The following RBM27 variants were observed in gnomAD, a reference collection of about 807,000 sequenced individuals.
RBM27 encodes RNA binding motif protein 27.
Under a neutral mutation model 135.3 loss-of-function variants are expected in RBM27, and 22 were observed. That is an observed-to-expected ratio of 0.16 (90% confidence interval 0.12 to 0.23). The LOEUF is 0.23. Among genes scored for constraint, RBM27 ranks in the 10% least tolerant of loss-of-function variants. The pLI is 1.00. For missense variants in RBM27, 1,009 were observed against 1,281.0 expected, an observed-to-expected ratio of 0.79 and a Z score of 3.24; for synonymous variants, 481 against 442.4, an observed-to-expected ratio of 1.09 and a Z score of -1.10.
At chr5:146,270,010 G>A (rs749117330) in intron 17 of RBM27, among the ~76,000 whole-genome samples, 11 of 152,098 alleles carry the variant, frequency 7.2e-5, no homozygotes, top group Admixed American at 3.3e-4. Flanking sequence ...CACTATTAAA[G>A]TGATGGTGGT....
intron 19 of RBM27, among the ~76,000 whole-genome samples, chr5:146,273,113 G>A (rs886992648): frequency 1.3e-5 from 2 of 152,196 alleles, no homozygotes; most frequent in African/African-American, 4.8e-5. Flanking sequence ...TGTAGAACCA[G>A]TACCAGTTCT....
chr5:146,260,783 G>A lies in RBM27; in HGVS notation c.1778G>A (p.Arg593Gln), dbSNP rs955261200. 3.7e-6 allele frequency: 6 copies of A among 1,610,416 alleles called. No individual in the cohort carries two copies. Among genetic ancestry groups the A allele is most frequent in the Middle Eastern group, 1.7e-4 (1 of 6,036 alleles). The change falls in exon 12 of 21, where the codon CGA becomes CAA. Residue 593 changes from arginine (R) to glutamine (Q), a missense_variant. Coordinates refer to ENST00000265271, the MANE Select transcript of RBM27 (RefSeq NM_018989.2). Reference protein sequence around the residue: ...NNNQNKPGFLRKNQYTNTKLE... With the variant: ...NNNQNKPGFLQKNQYTNTKLE... Reference sequence around the variant, plus strand: ...AATCAAAATAAACCAGGGTTCTTACGAAAGAATCAGTATACAAACACCAAA... The same window carrying A: ...AATCAAAATAAACCAGGGTTCTTACAAAAGAATCAGTATACAAACACCAAA...
chr5:146,218,498 G>A (rs562782892), intron 1 of RBM27, among the ~76,000 whole-genome samples: 1 of 152,280 alleles, frequency 6.6e-6, no homozygotes, highest in South Asian at 2.1e-4. Flanking sequence ...GATACTCGCT[G>A]AGATTAGCAA....
At chr5:146,248,062 A>T (rs1026352739) in intron 8 of RBM27, among the ~76,000 whole-genome samples, 1 of 152,052 alleles carries the variant, frequency 6.6e-6, no homozygotes, top group African/African-American at 2.4e-5. Flanking sequence ...AATTTTAAGA[A>T]TGAGTTGATT....
chr5:146,256,100 C>T (rs1187425894), intron 10 of RBM27, among the ~76,000 whole-genome samples: 1 of 151,070 alleles, frequency 6.6e-6, no homozygotes, highest in Non-Finnish European at 1.5e-5. Flanking sequence ...AGGTTATCCA[C>T]CTACCTTGGC....
At position 146,269,489 on chromosome 5, in the gene RBM27, T is replaced by C; in HGVS notation, c.2596T>C (p.Leu866=). ...PEERANIMKT[L]KELGEKISQL... is the part of the protein sequence containing the mutation. ...AGAAAGAGCAAATATAATGAAGACT[T>C]TGAAAGAGCTTGGAGAGAAGATCTC... The change falls in exon 17 of 21, where the codon TTG becomes CTG. Residue 866 remains leucine (L), a synonymous_variant. Coordinates refer to ENST00000265271, the MANE Select transcript of RBM27 (RefSeq NM_018989.2). 1 of 1,584,814 alleles carries C rather than the reference T, an allele frequency of 6.3e-7. No homozygotes were observed. The highest frequency in any genetic ancestry group is 1.2e-5 in the South Asian group (1 of 85,528).
intron 1 of RBM27, among the ~76,000 whole-genome samples, chr5:146,204,038 G>A (rs1581120989): frequency 6.6e-6 from 1 of 152,138 alleles, no homozygotes; most frequent in Non-Finnish European, 1.5e-5. Flanking sequence ...ATGGGGACTG[G>A]GGGGGCAGGC....
intron 1 of RBM27, among the ~76,000 whole-genome samples, chr5:146,211,728 C>T (rs752322661): frequency 6.6e-6 from 1 of 151,704 alleles, no homozygotes; most frequent in Admixed American, 6.6e-5. Context: ...TAATCCGCCC[C>T]TGGGATTACA....
chr5:146,262,459 G>T (rs1475861421), intron 13 of RBM27, among the ~76,000 whole-genome samples: 3 of 152,110 alleles, frequency 2.0e-5, no homozygotes, highest in Admixed American at 2.0e-4. Context: ...GGTACATATT[G>T]CTCAAAGCAT....
At chr5:146,217,462 C>CTTTTT in intron 1 of RBM27, among the ~76,000 whole-genome samples, 2 of 125,132 alleles carry the variant, frequency 1.6e-5, no homozygotes, top group African/African-American at 3.2e-5. Context: ...GAGCTGAAGC[C>CTTTTT]TGTTTTTTTT....
At chr5:146,220,279 C>G (rs908645588) in intron 2 of RBM27, among the ~76,000 whole-genome samples, 10 of 151,970 alleles carry the variant, frequency 6.6e-5, no homozygotes, top group African/African-American at 2.4e-4. Flanking sequence ...AGATCGAGAC[C>G]ATCCTGGCCA....
At position 146,229,754 on chromosome 5, in the gene RBM27, GACTATGACCGGT is replaced by G. The variant is rs544601442; in HGVS notation, c.441_452del (p.Asp147_Tyr150del). ...AAAAAGAGAAGACGGGAAATGGAGA[GACTATGACCGGT>G]ACTATGAGCGGAATGAATTGTACCG... On this transcript the variant is annotated inframe_deletion, in exon 5 of 21. Coordinates refer to ENST00000265271, the MANE Select transcript of RBM27 (RefSeq NM_018989.2). 5.0e-5 allele frequency: 81 copies of G among 1,612,008 alleles called. No individual in the cohort carries two copies. Among genetic ancestry groups the G allele is most frequent in the Non-Finnish European group, 6.4e-5 (76 of 1,178,626 alleles).
In RBM27 at chr5:146,251,866, C is replaced by T. The variant is rs772259687; in HGVS notation, c.1435C>T (p.Leu479=). The T allele has an allele frequency of 5.0e-6, 8 of 1,614,022 alleles. 1 individual carries two copies. The South Asian group carries it at 7.7e-5, about 16-fold the overall frequency. The change falls in exon 9 of 21, where the codon CTG becomes TTG. Residue 479 remains leucine, a synonymous_variant. Coordinates refer to ENST00000265271, the MANE Select transcript of RBM27 (RefSeq NM_018989.2). ...TACCTCAGTCTCCAGCCCTACCCCTCTGGTTCCAGGTAAGCTTTGCTACAG... is the reference window on the plus strand; with the variant it reads ...TACCTCAGTCTCCAGCCCTACCCCTTTGGTTCCAGGTAAGCTTTGCTACAG... ...YHTSVSSPTP[L]VPDTYEPDGY... is the part of the protein sequence containing the mutation.
At chr5:146,210,263 A>G (rs1755875326) in intron 1 of RBM27, among the ~76,000 whole-genome samples, 1 of 152,176 alleles carries the variant, frequency 6.6e-6, no homozygotes, top group Admixed American at 6.5e-5. Flanking sequence ...AAAAGTAAGA[A>G]TTTTTTAGTA....
intron 3 of RBM27, among the ~76,000 whole-genome samples, chr5:146,228,282 C>CTTT (rs1043361050): frequency 1.8e-4 from 20 of 111,840 alleles, no homozygotes; most frequent in African/African-American, 7.8e-4. Context: ...ACCATTCTTT[C>CTTT]TTTTTTTTTT....
At chr5:146,275,651 GAAGTTAATGTT>G in intron 19 of RBM27, among the ~76,000 whole-genome samples, 1 of 152,066 alleles carries the variant, frequency 6.6e-6, no homozygotes, top group South Asian at 2.1e-4. Context: ...ATATCTTAAT[GAAGTTAATGTT>G]AAGTATTTAT....
At chr5:146,273,607 A>T (rs1178000128) in intron 19 of RBM27, among the ~76,000 whole-genome samples, 1 of 152,232 alleles carries the variant, frequency 6.6e-6, no homozygotes, top group Non-Finnish European at 1.5e-5. Context: ...TTTCTTTGAA[A>T]GAAATACAGA....
intron 6 of RBM27, 29 bp from the exon 7 acceptor site, chr5:146,233,421 A>G (rs1240702940): frequency 1.2e-5 from 18 of 1,503,992 alleles, no homozygotes; most frequent in Non-Finnish European, 1.5e-5. Context: ...GATGATAATA[A>G]GATTCTTTTT....
chr5:146,240,294 A>ATCTG (rs59670617), intron 8 of RBM27, among the ~76,000 whole-genome samples: 11,859 of 148,126 alleles, frequency 0.08, 641 homozygotes, highest in African/African-American at 0.16. Flanking sequence ...GCTGTTTTCT[A>ATCTG]TCTGTCTGTC....
Sources: gnomAD v4.1 joint callset for allele counts (sites outside exome capture counted in the v4.1 genomes callset) on GRCh38, gnomAD v4.1.1 for gene constraint, MANE v1.5 for transcripts, NCBI Gene and HGNC (gene_info 2026-07-23, HGNC 2026-07-21) for gene names.